ATCAY: variants seen among roughly 807,000 people sequenced by gnomAD.
ATCAY encodes ATCAY kinesin light chain interacting caytaxin, also known as caytaxin.
Under a neutral mutation model 47.7 loss-of-function variants are expected in ATCAY, and 22 were observed. That is an observed-to-expected ratio of 0.46 (90% CI 0.33 to 0.66). ATCAY has a LOEUF of 0.66. ATCAY is among the 30% of genes least tolerant of loss of function. The pLI is 0.02. For synonymous variants in ATCAY, 216 were observed against 207.6 expected (o/e 1.04, Z -0.35); for missense variants, 452 against 515.0 (o/e 0.88, Z 1.18).
chr19:3,914,235 C>CAAAAAAAAAAA lies in ATCAY; in HGVS notation c.965+384_965+394dup, dbSNP rs56742726. Among the ~76,000 whole-genome samples the CAAAAAAAAAAA allele has an allele frequency of 3.0e-4, 19 of 62,546 alleles. 2 individuals are homozygous for CAAAAAAAAAAA. The highest frequency in any genetic ancestry group is 1.0e-3 in the African/African-American group (10 of 9,556). 41.0% of individuals were successfully genotyped at this position (62,546 alleles called of 152,430 possible). A position where few individuals can be genotyped will look rare whatever the true frequency, so the allele number is the denominator to read the frequency against. On this transcript the variant is annotated intron_variant, in intron 9 of 12. Transcript: ENST00000450849. ...TGGGCCACAGAGCGAGACTCCATCGCAAAAAAAAAAAAAAAGGGCTAACGG... is the reference window on the plus strand; with the variant it reads ...TGGGCCACAGAGCGAGACTCCATCGCAAAAAAAAAAAAAAAAAAAAAAAAAAGGGCTAACGG...
At chr19:3,884,482 C>A (rs2145217868) in intron 1 of ATCAY, among the ~76,000 whole-genome samples, 1 of 152,144 alleles carries the variant, frequency 6.6e-6, no homozygotes, top group East Asian at 1.9e-4. Context: ...TTAGAGCCTA[C>A]TGGATTCTCT....
chr19:3,918,268 C>T (rs1298821791), intron 10 of ATCAY, among the ~76,000 whole-genome samples: 2 of 151,952 alleles, frequency 1.3e-5, no homozygotes, highest in African/African-American at 4.8e-5. Flanking sequence ...GCCTGTAATC[C>T]CAGCTACTTG....
At chr19:3,902,399 T>C (rs1009085062) in intron 2 of ATCAY, 88 bp from the exon 3 acceptor site, 9 of 1,253,544 alleles carry the variant, frequency 7.2e-6, no homozygotes, top group Middle Eastern at 4.7e-4. Context: ...CTGACTCGCC[T>C]GGCTGGACCT....
chr19:3,909,401 T>A lies in ATCAY; in HGVS notation c.648-85T>A, dbSNP rs1599290838. ...GGGCTGACCCAGCCAGCGGCAGGAG[T>A]GGAGGCAGGCAGGGTCGGCACCGCA... On this transcript the variant is annotated intron_variant, in intron 6 of 12. Transcript: ENST00000450849. The A allele has an allele frequency of 2.0e-6, 3 of 1,465,130 alleles. No homozygotes were observed. In the South Asian group the frequency reaches 3.9e-5, roughly 19 times the overall value. The allele number at this position is 1,465,130 out of a possible 1,614,324, so 90.8% of individuals were successfully genotyped here.
chr19:3,881,953 G>A (rs1467868280), intron 1 of ATCAY, among the ~76,000 whole-genome samples: 1 of 138,502 alleles, frequency 7.2e-6, no homozygotes, highest in East Asian at 2.2e-4. Context: ...CATGAATGAC[G>A]ACATTGAGGA....
chr19:3,896,728 T>G (rs1292276137), intron 2 of ATCAY, among the ~76,000 whole-genome samples: 1 of 152,188 alleles, frequency 6.6e-6, no homozygotes, highest in Non-Finnish European at 1.5e-5. Context: ...GGCTTTCCTC[T>G]GGCGGGAGGA....
chr19:3,902,617 T>G, intron 3 of ATCAY, 72 bp downstream of exon 3: 2 of 1,471,250 alleles, frequency 1.4e-6, no homozygotes, highest in Non-Finnish European at 1.9e-6. Flanking sequence ...CCTGGGGCTG[T>G]AACTGTAGAA....
chr19:3,902,313 C>T (rs2038822458), intron 2 of ATCAY, among the ~76,000 whole-genome samples, 174 bp from the exon 3 acceptor site: 1 of 152,170 alleles, frequency 6.6e-6, no homozygotes. Context: ...TACAGTGAGG[C>T]TCTGTCTCCA....
At chr19:3,903,587 G>A (rs972826589) in intron 3 of ATCAY, among the ~76,000 whole-genome samples, 2 of 151,170 alleles carry the variant, frequency 1.3e-5, no homozygotes, top group African/African-American at 4.9e-5. Context: ...GCAGTAGCGT[G>A]ATCATGGCTC....
In ATCAY at chr19:3,924,769, T is replaced by C. The variant is rs2039052217; in HGVS notation, c.*177T>C. ...CATCCTTTTCAGCTGCTTGAAAACATTGTATTTTTTTTTTTTAACGATGCA... is the reference window on the plus strand; with the variant it reads ...CATCCTTTTCAGCTGCTTGAAAACACTGTATTTTTTTTTTTTAACGATGCA... On this transcript the variant is annotated 3_prime_UTR_variant, in exon 13 of 13. Coordinates refer to ENST00000450849, the MANE Select transcript of ATCAY (RefSeq NM_033064.5). 3.4e-6 allele frequency: 2 copies of C among 583,888 alleles called. No homozygotes were observed. The highest frequency in any genetic ancestry group is 5.4e-6 in the Non-Finnish European group (2 of 368,788). 36.2% of individuals were successfully genotyped at this position (583,888 alleles called of 1,614,324 possible).
In ATCAY at chr19:3,924,888, G is replaced by T. The variant is rs2039053057; in HGVS notation, c.*296G>T. ...CCGAGGAAGGCAAGAAGCGCAGGGG[G>T]TGGCCCGCGTGGCGTCGGTGGCCTC... On this transcript the variant is annotated 3_prime_UTR_variant, in exon 13 of 13. Coordinates refer to ENST00000450849, the MANE Select transcript of ATCAY (RefSeq NM_033064.5). The T allele has an allele frequency of 5.1e-6, 2 of 395,842 alleles. No individual in the cohort carries two copies. The highest frequency in any genetic ancestry group is 4.1e-5 in the African/African-American group (2 of 49,100). 24.5% of individuals were successfully genotyped at this position (395,842 alleles called of 1,614,324 possible).
At chr19:3,894,626 A>C (rs890582551) in intron 2 of ATCAY, among the ~76,000 whole-genome samples, 4 of 57,108 alleles carry the variant, frequency 7.0e-5, no homozygotes, top group African/African-American at 1.4e-4. Context: ...CTGTGTCTGC[A>C]AAAAAAAAAA....
At position 3,907,791 on chromosome 19, in the gene ATCAY, G is replaced by A. The variant is rs766817037; in HGVS notation, c.416G>A (p.Gly139Glu). The change falls in exon 5 of 13, where the codon GGG becomes GAG. Residue 139 changes from glycine to glutamate, a missense_variant. Transcript: ENST00000450849. This position sits in a 1 kb window ranked among gnomAD's most constrained non-coding sequence, Gnocchi z 5.1. ...NMPGDSADLF[G>E]DGTTEDGSAA... ...CCCGGGGACAGCGCGGATCTATTTG[G>A]GGACGGCACGACGGAGGACGGCAGC... The A allele has an allele frequency of 1.6e-5, 26 of 1,613,890 alleles. No homozygotes were observed. The highest frequency in any genetic ancestry group is 3.3e-5 in the South Asian group (3 of 91,086).
chr19:3,919,027 C>T (rs933731478), intron 11 of ATCAY, 150 bp downstream of exon 11: 10 of 956,702 alleles, frequency 1.0e-5, no homozygotes, highest in Admixed American at 2.1e-5. Flanking sequence ...CCTGTAATCC[C>T]AGCACTTTGG....
chr19:3,910,239 T>C (rs2038911733), intron 7 of ATCAY, among the ~76,000 whole-genome samples: 1 of 152,166 alleles, frequency 6.6e-6, no homozygotes, highest in African/African-American at 2.4e-5. Context: ...TCACTGAGTG[T>C]GATGTCCTCA....
At chr19:3,923,601 A>AT (rs2039038933) in intron 12 of ATCAY, among the ~76,000 whole-genome samples, 1 of 147,294 alleles carries the variant, frequency 6.8e-6, no homozygotes, top group African/African-American at 2.5e-5. Flanking sequence ...GACTGTGTGG[A>AT]TGGATGAGTG....
At chr19:3,910,162 C>T (rs561138261) in intron 7 of ATCAY, among the ~76,000 whole-genome samples, 3 of 152,264 alleles carry the variant, frequency 2.0e-5, no homozygotes, top group East Asian at 1.9e-4. Context: ...CTCTGTAAAT[C>T]TGATGACTCT....
At chr19:3,886,363 CG>C (rs1443547984) in intron 2 of ATCAY, among the ~76,000 whole-genome samples, 1 of 151,706 alleles carries the variant, frequency 6.6e-6, no homozygotes, top group Non-Finnish European at 1.5e-5. Context: ...GAGGCCGAGG[CG>C]GGCGGATCAT....
chr19:3,909,271 C>T (rs1047381776), intron 6 of ATCAY, among the ~76,000 whole-genome samples: 1 of 150,108 alleles, frequency 6.7e-6, no homozygotes, highest in Non-Finnish European at 1.5e-5. Flanking sequence ...AGAGTAACTG[C>T]CCTATGAGGA....
Sources: allele counts gnomAD v4.1 joint callset (sites outside exome capture counted in the v4.1 genomes callset), GRCh38; gene constraint gnomAD v4.1.1; non-coding constraint Gnocchi (gnomAD v3.1); transcripts MANE v1.5; gene names NCBI Gene and HGNC (gene_info 2026-07-23, HGNC 2026-07-21).